CD2AP: variants seen among roughly 807,000 people sequenced by gnomAD.
CD2AP encodes CD2 associated protein.
CD2AP carries 46 observed loss-of-function variants against 85.1 expected under a neutral mutation model. The observed-to-expected ratio is 0.54, with a 90% CI of 0.43 to 0.69. The LOEUF (loss-of-function observed/expected upper bound fraction) is 0.69. CD2AP is among the 30% of genes least tolerant of loss of function. CD2AP has a pLI of 0.00. For missense variants in CD2AP, 769 were observed against 729.5 expected, an observed-to-expected ratio of 1.05 and a Z score of -0.62; for synonymous variants, 255 against 252.9, an observed-to-expected ratio of 1.01 and a Z score of -0.08.
At chr6:47,599,489 T>A in intron 13 of CD2AP, 46 bp downstream of exon 13, 1 of 1,523,988 alleles carries the variant, frequency 6.6e-7, no homozygotes, top group Non-Finnish European at 9.0e-7. Context: ...AAAAAAATTG[T>A]CAAAGAAACT....
At chr6:47,501,423 C>T (rs543128441) in intron 1 of CD2AP, among the ~76,000 whole-genome samples, 20 of 152,270 alleles carry the variant, frequency 1.3e-4, no homozygotes, top group African/African-American at 4.6e-4. Flanking sequence ...CCTGATTGTA[C>T]TTAGTGTCTG....
chr6:47,538,441 C>T (rs1767111710), intron 3 of CD2AP, among the ~76,000 whole-genome samples: 1 of 151,866 alleles, frequency 6.6e-6, no homozygotes. Context: ...AGGGTTTCAC[C>T]ATGTTTGTTG....
intron 11 of CD2AP, among the ~76,000 whole-genome samples, chr6:47,586,733 C>G (rs915855510): frequency 2.0e-5 from 3 of 151,968 alleles, no homozygotes; most frequent in African/African-American, 7.2e-5. Context: ...TGGTATTACT[C>G]AAAGCAATGA....
In CD2AP at chr6:47,579,521, T is replaced by C. The variant is rs574314971; in HGVS notation, c.1008+32T>C. ...TTTTGTTTTTCAATGATGATAATACTTGAAAGAACATTTTGCCACTATTCT... is the reference window on the plus strand; with the variant it reads ...TTTTGTTTTTCAATGATGATAATACCTGAAAGAACATTTTGCCACTATTCT... On this transcript the variant is annotated intron_variant, in intron 9 of 17. Coordinates refer to ENST00000359314, the MANE Select transcript of CD2AP (RefSeq NM_012120.3). The C allele has an allele frequency of 7.7e-5, 102 of 1,327,598 alleles. No homozygotes were observed. In the East Asian group the frequency reaches 2.3e-3, roughly 30 times the overall value. The allele number at this position is 1,327,598 out of a possible 1,614,324, so 82.2% of individuals were successfully genotyped here.
At chr6:47,544,547 A>T in intron 3 of CD2AP, 59 bp from the exon 4 acceptor site, 1 of 1,089,518 alleles carries the variant, frequency 9.2e-7, no homozygotes, top group Non-Finnish European at 1.4e-6. Context: ...GCATGTAAAT[A>T]TACTGTTTTT....
At position 47,609,167 on chromosome 6, in the gene CD2AP, T is replaced by C. The variant is rs767135554; in HGVS notation, c.1677T>C (p.Asn559=). 3.7e-6 allele frequency: 6 copies of C among 1,613,374 alleles called. No individual in the cohort carries two copies. The highest frequency in any genetic ancestry group is 2.2e-5 in the East Asian group (1 of 44,832). Residue 559 remains asparagine (N), a synonymous_variant, in exon 16 of 18, where the codon AAT becomes AAC. Transcript: ENST00000359314. Reference sequence around the variant, plus strand: ...CACCTTCCAGTGCTTCTAAAGCAAATACAACTGCTTTCCTGACTCCATTAG... The same window carrying C: ...CACCTTCCAGTGCTTCTAAAGCAAACACAACTGCTTTCCTGACTCCATTAG... ...LSTPSSASKA[N]TTAFLTPLEI...
At chr6:47,580,099 A>G (rs1014922328) in intron 9 of CD2AP, among the ~76,000 whole-genome samples, 3 of 152,230 alleles carry the variant, frequency 2.0e-5, no homozygotes, top group African/African-American at 2.4e-5. Flanking sequence ...AAGCCAATGC[A>G]TAACTCTCCA....
chr6:47,615,784 T>TTAA (rs1769562967), intron 17 of CD2AP, among the ~76,000 whole-genome samples: 3 of 103,090 alleles, frequency 2.9e-5, no homozygotes, highest in African/African-American at 9.3e-5. Flanking sequence ...TTAATTTTAA[T>TTAA]TTAATTTAAT....
intron 5 of CD2AP, among the ~76,000 whole-genome samples, chr6:47,568,883 T>G (rs540629842): frequency 8.5e-5 from 13 of 152,168 alleles, no homozygotes; most frequent in Admixed American, 2.0e-4. Context: ...GAAGATTAAC[T>G]GAAAAGAAGA....
chr6:47,524,232 A>ACC (rs1766666910), intron 2 of CD2AP, among the ~76,000 whole-genome samples: 1 of 152,144 alleles, frequency 6.6e-6, no homozygotes, highest in South Asian at 2.1e-4. Context: ...AATAAGGTAA[A>ACC]CCAGGTATCA....
At chr6:47,528,850 C>T (rs935672803) in intron 2 of CD2AP, among the ~76,000 whole-genome samples, 1 of 152,084 alleles carries the variant, frequency 6.6e-6, no homozygotes, top group Admixed American at 6.5e-5. Context: ...AAAAATCAGG[C>T]TGTTTGCTTT....
Position 47,576,523 on chromosome 6 carries a change from G to C in CD2AP, c.730-1G>C, listed in dbSNP as rs754036606. 2.5e-6 allele frequency: 4 copies of C among 1,599,828 alleles called. No individual in the cohort carries two copies. In the African/African-American group the frequency reaches 5.4e-5, roughly 21 times the overall value. ...GTTTATGCCATTTTTTTCTATTCTA[G>C]CCCTTAATCCTACAGTCACTGGGAC... On this transcript the variant is annotated splice_acceptor_variant, in intron 6 of 17. Transcript: ENST00000359314. LOFTEE classifies it high-confidence loss of function.
intron 3 of CD2AP, among the ~76,000 whole-genome samples, chr6:47,538,330 CT>C: frequency 6.6e-6 from 1 of 152,118 alleles, no homozygotes; most frequent in Non-Finnish European, 1.5e-5. Flanking sequence ...CACCCTTCGC[CT>C]TCCAGGTTCA....
chr6:47,512,527 C>T (rs1211981022), intron 2 of CD2AP, among the ~76,000 whole-genome samples: 1 of 152,138 alleles, frequency 6.6e-6, no homozygotes, highest in African/African-American at 2.4e-5. Context: ...GTTTTTGTGG[C>T]TTATTATGAA....
chr6:47,589,305 G>T (rs948501674), intron 11 of CD2AP, among the ~76,000 whole-genome samples: 3 of 150,422 alleles, frequency 2.0e-5, no homozygotes, highest in African/African-American at 7.3e-5. Context: ...ATTGCTTAGC[G>T]TAAGAATGCG....
At chr6:47,513,203 C>T (rs1766364668) in intron 2 of CD2AP, among the ~76,000 whole-genome samples, 1 of 149,458 alleles carries the variant, frequency 6.7e-6, no homozygotes, top group African/African-American at 2.5e-5. Flanking sequence ...GTATCTTCCT[C>T]AAAGTTTACA....
Position 47,566,323 on chromosome 6 carries a change from T to TATATATATATATATATACACACAC in CD2AP, c.542-7740_542-7739insTATATATATATATATACACACACA. Among the ~76,000 whole-genome samples, 721 of 108,204 alleles carry TATATATATATATATATACACACAC rather than the reference T, an allele frequency of 6.7e-3. 31 individuals carry two copies. Among genetic ancestry groups the TATATATATATATATATACACACAC allele is most frequent in the Non-Finnish European group, 0.011 (505 of 46,652 alleles). 71.0% of individuals were successfully genotyped at this position (108,204 alleles called of 152,430 possible). On this transcript the variant is annotated intron_variant, in intron 5 of 17. Coordinates refer to ENST00000359314, the MANE Select transcript of CD2AP (RefSeq NM_012120.3). ...TAGAATATATATATATATATATATA[T>TATATATATATATATATACACACAC]ACACATACACATATATATATATGTA...
chr6:47,593,659 T>C (rs1237059322), intron 11 of CD2AP, among the ~76,000 whole-genome samples: 2 of 151,996 alleles, frequency 1.3e-5, no homozygotes, highest in Non-Finnish European at 2.9e-5. Context: ...AAATAAGTAA[T>C]AAATGTTTGC....
At chr6:47,532,641 GTCTAAT>G (rs1398124409) in intron 2 of CD2AP, among the ~76,000 whole-genome samples, 1 of 151,886 alleles carries the variant, frequency 6.6e-6, no homozygotes, top group Non-Finnish European at 1.5e-5. Flanking sequence ...GTAGCACATT[GTCTAAT>G]TCTATCGTTA....
Sources: gnomAD v4.1 joint callset for allele counts (sites outside exome capture counted in the v4.1 genomes callset) on GRCh38, gnomAD v4.1.1 for gene constraint, MANE v1.5 for transcripts, NCBI Gene and HGNC (gene_info 2026-07-23, HGNC 2026-07-21) for gene names.